Variants in CTRC observed in about 807,000 individuals in gnomAD.
The protein encoded by CTRC is chymotrypsin-C.
Under a neutral mutation model 35.7 loss-of-function variants are expected in CTRC, and 32 were observed. The ratio of observed to expected loss-of-function variants is 0.90; its 90% CI spans 0.68 to 1.20. CTRC has a LOEUF of 1.20. Among genes scored for constraint, CTRC ranks in the 50% most tolerant of loss-of-function variants. The probability of loss-of-function intolerance (pLI) is 0.00; values close to 1 mark genes in which losing one functional copy is unlikely to be tolerated. For synonymous variants in CTRC, 119 were observed against 149.5 expected (o/e 0.80, Z 1.49); for missense variants, 324 against 361.5 (o/e 0.90, Z 0.84).
intron 1 of CTRC, 148 bp downstream of exon 1, chr1:15,438,652 T>C (rs1397613960): frequency 1.2e-6 from 1 of 830,786 alleles, no homozygotes; most frequent in Non-Finnish European, 2.0e-6. Context: ...CAACCAGCTG[T>C]GTGTCAGACA....
At chr1:15,439,493 G>A (rs1557507790) in intron 1 of CTRC, among the ~76,000 whole-genome samples, 1 of 152,000 alleles carries the variant, frequency 6.6e-6, no homozygotes, top group Non-Finnish European at 1.5e-5. Flanking sequence ...TTACAGATGA[G>A]GACATCGAGG....
chr1:15,440,189 G>A (rs976945468), intron 1 of CTRC, 111 bp from the exon 2 acceptor site: 16 of 979,440 alleles, frequency 1.6e-5, no homozygotes, highest in Middle Eastern at 3.1e-4. Context: ...TATCAACCCC[G>A]TGTCTGCCCA....
chr1:15,439,876 G>A lies in CTRC; in HGVS notation c.41-424G>A, dbSNP rs545722384. ...CCTGCCTCAGCCTCCTGAGTGGCTG[G>A]GATTACAGGCATGCACCACCACGCC... On this transcript the variant is annotated intron_variant, in intron 1 of 7. Coordinates refer to ENST00000375949, the MANE Select transcript of CTRC (RefSeq NM_007272.3). 8.5e-5 allele frequency among the ~76,000 whole-genome samples: 13 copies of A among 152,202 alleles called. No homozygotes were observed. The South Asian group carries it at 2.7e-3, about 32-fold the overall frequency.
intron 4 of CTRC, among the ~76,000 whole-genome samples, 185 bp downstream of exon 4, chr1:15,442,757 C>G (rs1377837073): frequency 6.6e-6 from 1 of 151,972 alleles, no homozygotes; most frequent in Admixed American, 6.6e-5. Context: ...CCCCTCATAT[C>G]CCCCTCATTG....
In CTRC at chr1:15,448,844, C is replaced by T. The variant is rs61780994; in HGVS notation, c.*2255C>T. ...GTCTTTATATTGGGGGTTATAAATG[C>T]TAAATGCTTGCTGTCCTCAGATCCC... On this transcript the variant is annotated 3_prime_UTR_variant, in exon 8 of 8. Transcript: ENST00000375949. 5 of 152,156 alleles carry T rather than the reference C, an allele frequency of 3.3e-5. No homozygotes were observed. Among genetic ancestry groups the T allele is most frequent in the Admixed American group, 6.5e-5 (1 of 15,274 alleles). 9.4% of individuals were successfully genotyped at this position (152,156 alleles called of 1,614,324 possible).
rs111372278 is a variant in CTRC, at chr1:15,445,720, G to T, written c.763G>T (p.Val255Leu). The T allele has an allele frequency of 1.2e-6, 2 of 1,614,056 alleles. No individual in the cohort carries two copies. Among genetic ancestry groups the T allele is most frequent in the Non-Finnish European group, 1.7e-6 (2 of 1,180,032 alleles). ...CAAGAAGCCGGTAGTCTACACCCGGGTGTCCGCCTACATCGACTGGATCAA... is the reference window on the plus strand; with the variant it reads ...CAAGAAGCCGGTAGTCTACACCCGGTTGTCCGCCTACATCGACTGGATCAA... ...TRKKPVVYTR[V>L]SAYIDWINEK... The change falls in exon 7 of 8, where the codon GTG (valine) becomes TTG (leucine). Residue 255 changes from valine to leucine, a missense_variant. Transcript: ENST00000375949.
In CTRC at chr1:15,445,584, C is replaced by T. The variant is rs368477746; in HGVS notation, c.640-13C>T. ...GGGGGCCTGGTGGCTTATGCCCTCC[C>T]GGTCTGGTGCAGGGGGACTCCGGTG... On this transcript the variant is annotated splice_polypyrimidine_tract_variant and intron_variant, in intron 6 of 7. Coordinates refer to ENST00000375949, the MANE Select transcript of CTRC (RefSeq NM_007272.3). 42 of 1,613,438 alleles carry T rather than the reference C, an allele frequency of 2.6e-5. 1 individual carries two copies. The highest frequency in any genetic ancestry group is 2.3e-4 in the African/African-American group (17 of 74,930).
chr1:15,438,814 G>A (rs1269306419), intron 1 of CTRC, among the ~76,000 whole-genome samples: 1 of 152,194 alleles, frequency 6.6e-6, no homozygotes, highest in Non-Finnish European at 1.5e-5. Context: ...GGGACCATCG[G>A]GGTCTGCCTT....
chr1:15,445,563 G>T (rs1461277736), intron 6 of CTRC, 34 bp from the exon 7 acceptor site: 1 of 1,608,344 alleles, frequency 6.2e-7, no homozygotes, highest in Non-Finnish European at 8.5e-7. Context: ...CTGGGGGGGG[G>T]CCTGGTGGCT....
intron 7 of CTRC, 140 bp downstream of exon 7, chr1:15,445,889 T>G: frequency 9.8e-7 from 1 of 1,016,324 alleles, no homozygotes; most frequent in Non-Finnish European, 1.5e-6. Context: ...CACTCATTCA[T>G]GCATTCATTC....
In CTRC at chr1:15,442,477, A is replaced by C. The variant is rs1473853165; in HGVS notation, c.261A>C (p.Gly87=). 1 of 1,613,976 alleles carries C rather than the reference A, an allele frequency of 6.2e-7. No homozygotes were observed. Among genetic ancestry groups the C allele is most frequent in the African/African-American group, 1.3e-5 (1 of 74,904 alleles). The change falls in exon 4 of 8, where the codon GGA becomes GGC. Residue 87 remains glycine (G), a synonymous_variant. Transcript: ENST00000375949. ...SNTRTYRVAV[G]KNNLEVEDEE... is the part of the protein sequence containing the mutation. ...CCCGGACCTACCGTGTGGCCGTGGGAAAGAACAACCTGGAGGTGGAAGACG... is the reference window on the plus strand; with the variant it reads ...CCCGGACCTACCGTGTGGCCGTGGGCAAGAACAACCTGGAGGTGGAAGACG...
chr1:15,442,128 C>T (rs1346238348), intron 3 of CTRC, among the ~76,000 whole-genome samples: 1 of 152,180 alleles, frequency 6.6e-6, no homozygotes, highest in Non-Finnish European at 1.5e-5. Context: ...ATGGATGCCG[C>T]AACTGTGCAG....
intron 4 of CTRC, among the ~76,000 whole-genome samples, 177 bp downstream of exon 4, chr1:15,442,749 C>G (rs1400598070): frequency 6.6e-6 from 1 of 152,036 alleles, no homozygotes; most frequent in South Asian, 2.1e-4. Flanking sequence ...ACAAATACCC[C>G]CTCATATCCC....
chr1:15,441,987 C>G (rs1708139755), intron 3 of CTRC, among the ~76,000 whole-genome samples: 1 of 152,086 alleles, frequency 6.6e-6, no homozygotes, highest in Non-Finnish European at 1.5e-5. Flanking sequence ...AGCAATCCCC[C>G]CGTCTCGGCT....
intron 7 of CTRC, 90 bp downstream of exon 7, chr1:15,445,839 TATTCATTC>T: frequency 6.9e-7 from 1 of 1,454,292 alleles, no homozygotes; most frequent in Admixed American, 1.7e-5. Context: ...TTCATGCGTT[TATTCATTC>T]ATTCATTTAT....
At chr1:15,440,616 C>T in intron 3 of CTRC, 26 bp downstream of exon 3, 2 of 1,608,312 alleles carry the variant, frequency 1.2e-6, no homozygotes, top group Non-Finnish European at 1.7e-6. Context: ...ACCCTGAGAC[C>T]TGGCCATCGT....
chr1:15,440,135 A>C (rs1708103786), intron 1 of CTRC, among the ~76,000 whole-genome samples, 165 bp from the exon 2 acceptor site: 1 of 152,304 alleles, frequency 6.6e-6, no homozygotes, highest in South Asian at 2.1e-4. Flanking sequence ...AAGGGAAAAC[A>C]AGGCCTAGAG....
At position 15,444,621 on chromosome 1, in the gene CTRC, C is replaced by T. The variant is rs753003339; in HGVS notation, c.509C>T (p.Ala170Val). ...WGRLWTNGPIADKLQQGLQPV... is the reference protein window; with the variant it reads ...WGRLWTNGPIVDKLQQGLQPV... ...CTCTCCCCAGCCAACGGCCCCATTGCTGATAAGCTGCAGCAGGGCCTGCAG... is the reference window on the plus strand; with the variant it reads ...CTCTCCCCAGCCAACGGCCCCATTGTTGATAAGCTGCAGCAGGGCCTGCAG... The change falls in exon 6 of 8, where the codon GCT (alanine) becomes GTT (valine). Residue 170 changes from alanine (A) to valine (V), a missense_variant. Ala to Val is a moderately conservative substitution (Grantham distance 64). Transcript: ENST00000375949. 7 of 1,614,204 alleles carry T rather than the reference C, an allele frequency of 4.3e-6. No individual in the cohort carries two copies. The South Asian group carries it at 4.4e-5, about 10-fold the overall frequency.
chr1:15,444,512 G>T, intron 5 of CTRC, 94 bp from the exon 6 acceptor site: 2 of 1,517,584 alleles, frequency 1.3e-6, no homozygotes, highest in Non-Finnish European at 1.8e-6. Flanking sequence ...GCTCCCCTGG[G>T]TCCTGTCCCA....
Sources: allele counts gnomAD v4.1 joint callset (sites outside exome capture counted in the v4.1 genomes callset), GRCh38; gene constraint gnomAD v4.1.1; transcripts MANE v1.5; gene names NCBI Gene and HGNC (gene_info 2026-07-23, HGNC 2026-07-21).